Variants in HELZ observed in about 807,000 individuals in gnomAD.
The protein encoded by HELZ is helicase with zinc finger, also known as ATP-dependent RNA helicase with zinc finger domain.
HELZ carries 23 observed loss-of-function variants against 218.2 expected under a neutral mutation model. That is an observed-to-expected ratio of 0.11 (90% CI 0.08 to 0.15). The LOEUF (loss-of-function observed/expected upper bound fraction) is 0.15. Among genes scored for constraint, HELZ ranks in the 10% least tolerant of loss-of-function variants. HELZ has a pLI of 1.00. For synonymous variants in HELZ, 814 were observed against 829.4 expected, an observed-to-expected ratio of 0.98 and a Z score of 0.32; for missense variants, 1,813 against 2,353.7, an observed-to-expected ratio of 0.77 and a Z score of 4.75.
chr17:67,187,043 T>A (rs1360260470), intron 12 of HELZ, among the ~76,000 whole-genome samples: 1 of 152,174 alleles, frequency 6.6e-6, no homozygotes, highest in African/African-American at 2.4e-5. Flanking sequence ...GACGCAGAGC[T>A]GAGTAGTTGC....
At chr17:67,199,620 T>A (rs960582705) in intron 7 of HELZ, among the ~76,000 whole-genome samples, 3 of 152,200 alleles carry the variant, frequency 2.0e-5, no homozygotes, top group Admixed American at 2.0e-4. Flanking sequence ...TGATTCTCGG[T>A]TGATTCACAA....
intron 13 of HELZ, chr17:67,176,242 T>C (rs2039453378): frequency 6.6e-6 from 1 of 152,244 alleles, no homozygotes; most frequent in Non-Finnish European, 1.5e-5. Context: ...TGTATAGGCA[T>C]CTATAAAAAA....
intron 32 of HELZ, among the ~76,000 whole-genome samples, chr17:67,081,740 A>C (rs2036195682): frequency 6.6e-6 from 1 of 152,126 alleles, no homozygotes; most frequent in African/African-American, 2.4e-5. Context: ...GTCCCATTGG[A>C]ACATACCTGA....
rs557655470 is a variant in HELZ at position 67,112,607 on chromosome 17, T to G, written c.3918+1717A>C. Reference sequence around the variant, plus strand: ...TATAGAAGCTGTGAGTAAGAGATGCTTATGTGATATAAGTAACTGAATAAA... The same window carrying G: ...TATAGAAGCTGTGAGTAAGAGATGCGTATGTGATATAAGTAACTGAATAAA... On this transcript the variant is annotated intron_variant, in intron 28 of 32. Transcript: ENST00000358691. 2.0e-5 allele frequency among the ~76,000 whole-genome samples: 3 copies of G among 152,348 alleles called. No individual in the cohort carries two copies. The South Asian group carries it at 6.2e-4, about 32-fold the overall frequency.
At position 67,123,100 on chromosome 17, in the gene HELZ, G is replaced by C. The variant is rs200749185; in HGVS notation, c.3500C>G (p.Pro1167Arg). 5.0e-6 allele frequency: 8 copies of C among 1,613,352 alleles called. No individual in the cohort carries two copies. Among genetic ancestry groups the C allele is most frequent in the East Asian group, 2.2e-5 (1 of 44,870 alleles). ...NPIRAYTPPP[P>R]LGPHPNLGKS... The stretch of plus-strand genomic sequence containing the variant: ...TCCCAAATTTGGGTGAGGTCCAAGA[G>C]GGGGTGGAGGAGTATATGCTCTAAT... Residue 1167 changes from proline to arginine, a missense_variant, in exon 26 of 33, where the codon CCT becomes CGT. Around this residue, in one of 4 missense-constraint regions of HELZ, gnomAD observed 938 missense variants for 1,027.5 expected, o/e 0.91. Transcript: ENST00000358691.
At chr17:67,212,327 A>AAAAAAAAAAAAAAAAAAAAAAG in intron 5 of HELZ, among the ~76,000 whole-genome samples, 1 of 147,328 alleles carries the variant, frequency 6.8e-6, no homozygotes, top group Non-Finnish European at 1.5e-5. Flanking sequence ...AAAAAAAAAA[A>AAAAAAAAAAAAAAAAAAAAAAG]AAAAAAAAGG....
At chr17:67,212,718 G>A (rs1173096327) in intron 5 of HELZ, among the ~76,000 whole-genome samples, 1 of 152,168 alleles carries the variant, frequency 6.6e-6, no homozygotes, top group African/African-American at 2.4e-5. Context: ...GGAATGTGTA[G>A]AATGTAATTA....
In HELZ at chr17:67,107,399, G is replaced by A. The variant is rs2037138114; in HGVS notation, c.5011C>T (p.Pro1671Ser). ...PFSLPSEHLA[P>S]PPLKYLAPDG... ...GGTGCCAGGTATTTCAAGGGAGGAG[G>A]GGCAAGGTGTTCAGATGGCAACGAG... is the stretch of plus-strand genomic sequence containing the variant. Residue 1671 changes from proline to serine, a missense_variant, in exon 31 of 33, where the codon CCT (proline) becomes TCT (serine). By Grantham distance (74) the Pro-to-Ser change is moderately conservative (BLOSUM62 -1). This residue lies in a region of HELZ where 938 missense variants were observed against 1,027.5 expected (regional missense o/e 0.91). Coordinates refer to ENST00000358691, the MANE Select transcript of HELZ (RefSeq NM_014877.4). 6.2e-7 allele frequency: 1 copy of A among 1,614,064 alleles called. No homozygotes were observed. The highest frequency in any genetic ancestry group is 8.5e-7 in the Non-Finnish European group (1 of 1,180,042).
intron 8 of HELZ, among the ~76,000 whole-genome samples, chr17:67,194,338 G>A (rs143146311): frequency 3.2e-4 from 48 of 152,232 alleles, no homozygotes; most frequent in African/African-American, 9.4e-4. Context: ...AACACAAGGC[G>A]GGTGGCTGGC....
At position 67,108,470 on chromosome 17, in the gene HELZ, T is replaced by C. The variant is rs763755232; in HGVS notation, c.4724+22A>G. On this transcript the variant is annotated intron_variant, in intron 30 of 32. Coordinates refer to ENST00000358691, the MANE Select transcript of HELZ (RefSeq NM_014877.4). The surrounding 1 kb of genome is among the most constrained non-coding windows in gnomAD (Gnocchi z 4.1). ...AGTGAGGGGGTCGCATTCCAGGGGC[T>C]ATTTTCAGTCCGCTGGAATACCTTG... The C allele has an allele frequency of 1.3e-6, 2 of 1,569,130 alleles. No homozygotes were observed. The highest frequency in any genetic ancestry group is 1.8e-6 in the Non-Finnish European group (2 of 1,139,846).
chr17:67,140,973 A>G (rs555214729), intron 21 of HELZ, among the ~76,000 whole-genome samples: 1 of 147,588 alleles, frequency 6.8e-6, no homozygotes, highest in South Asian at 2.4e-4. Context: ...CAATAATCTT[A>G]TATTCTACTT....
chr17:67,148,725 C>A lies in HELZ; in HGVS notation c.2476-11G>T. 2 of 1,597,706 alleles carry A rather than the reference C, an allele frequency of 1.3e-6. No homozygotes were observed. Among genetic ancestry groups the A allele is most frequent in the African/African-American group, 1.3e-5 (1 of 74,222 alleles). ...AACAAAAGGACTGAGCTGTAACAGACAAACATACAGAGAAAGTTTAACTGA... is the reference window on the plus strand; with the variant it reads ...AACAAAAGGACTGAGCTGTAACAGAAAAACATACAGAGAAAGTTTAACTGA... On this transcript the variant is annotated splice_polypyrimidine_tract_variant and intron_variant, in intron 19 of 32. Coordinates refer to ENST00000358691, the MANE Select transcript of HELZ (RefSeq NM_014877.4).
At chr17:67,156,399 C>A (rs1203203394) in intron 17 of HELZ, among the ~76,000 whole-genome samples, 1 of 152,160 alleles carries the variant, frequency 6.6e-6, no homozygotes, top group Non-Finnish European at 1.5e-5. Context: ...AACCTCTCCC[C>A]TCCTTTCACA....
In HELZ at chr17:67,188,714, C is replaced by T; in HGVS notation, c.865-98G>A. ...AAAATATTTCCATAAGGGACTTTTA[C>T]TTCCCCAAGCTTCTAAGATACTATA... On this transcript the variant is annotated intron_variant, in intron 11 of 32. Coordinates refer to ENST00000358691, the MANE Select transcript of HELZ (RefSeq NM_014877.4). This position sits in a 1 kb window ranked among gnomAD's most constrained non-coding sequence, Gnocchi z 4.1. The T allele has an allele frequency of 2.2e-6, 2 of 892,816 alleles. No homozygotes were observed. The highest frequency in any genetic ancestry group is 2.5e-5 in the East Asian group (1 of 39,666). The allele number at this position is 892,816 out of a possible 1,614,324, so 55.3% of individuals were successfully genotyped here.
In HELZ at chr17:67,127,508, A is replaced by C. The variant is rs569134040; in HGVS notation, c.3387+1143T>G. ...TCAGCTGAATACCTATTTAGCTAAA[A>C]GATTTTCAAAATATTAAACTCTTAA... On this transcript the variant is annotated intron_variant, in intron 24 of 32. Transcript: ENST00000358691. 2.0e-5 allele frequency among the ~76,000 whole-genome samples: 3 copies of C among 152,354 alleles called. No individual in the cohort carries two copies. In the South Asian group the frequency reaches 6.2e-4, roughly 32 times the overall value.
At chr17:67,153,288 C>T (rs1025958574) in intron 17 of HELZ, among the ~76,000 whole-genome samples, 3 of 151,958 alleles carry the variant, frequency 2.0e-5, no homozygotes, top group Non-Finnish European at 4.4e-5. Context: ...GATGAGAGCT[C>T]GTTCACAAGA....
intron 5 of HELZ, among the ~76,000 whole-genome samples, chr17:67,205,128 A>G (rs1203811978): frequency 1.3e-5 from 2 of 152,102 alleles, no homozygotes; most frequent in African/African-American, 4.8e-5. Context: ...GGAGTTCAAG[A>G]CAAGCCTGGC....
chr17:67,109,127 C>T lies in HELZ; in HGVS notation c.4478G>A (p.Gly1493Glu). ...IDENPSGLPI[G>E]EALDRIHGSV... ...GTAATAGAACTTACCTAAAGCCTCC[C>T]CTATAGGTAATCCCGAGGGGTTCTC... The change falls in exon 29 of 33, where the codon GGG (glycine) becomes GAG (glutamate). Residue 1493 changes from glycine to glutamate, a missense_variant. Gly to Glu is a moderately conservative substitution (Grantham distance 98, BLOSUM62 -2). Coordinates refer to ENST00000358691, the MANE Select transcript of HELZ (RefSeq NM_014877.4). 1 of 1,609,916 alleles carries T rather than the reference C, an allele frequency of 6.2e-7. No individual in the cohort carries two copies. The highest frequency in any genetic ancestry group is 8.5e-7 in the Non-Finnish European group (1 of 1,177,828).
chr17:67,199,357 C>T lies in HELZ; in HGVS notation c.429+1772G>A, dbSNP rs2040111970. Among the ~76,000 whole-genome samples the T allele has an allele frequency of 4.6e-5, 7 of 152,074 alleles. No individual in the cohort carries two copies. In the South Asian group the frequency reaches 1.5e-3, roughly 32 times the overall value. ...CCTCCTGAGTAGCTGGGATTACAGG[C>T]TCCTGCCACCATGCCTGACTAATTT... is the stretch of plus-strand genomic sequence containing the variant. On this transcript the variant is annotated intron_variant, in intron 7 of 32. Coordinates refer to ENST00000358691, the MANE Select transcript of HELZ (RefSeq NM_014877.4).
Sources: allele counts gnomAD v4.1 joint callset (sites outside exome capture counted in the v4.1 genomes callset), GRCh38; gene constraint gnomAD v4.1.1; regional missense constraint gnomAD v4.1.1; non-coding constraint Gnocchi (gnomAD v3.1); transcripts MANE v1.5; gene names NCBI Gene and HGNC (gene_info 2026-07-23, HGNC 2026-07-21).